LHPP: variants seen among roughly 807,000 people sequenced by gnomAD.
LHPP encodes the protein hLHPP.
A neutral mutation model predicts 30.3 loss-of-function variants in LHPP; 24 were observed. That is an observed-to-expected ratio of 0.79 (90% CI 0.57 to 1.11). The LOEUF (loss-of-function observed/expected upper bound fraction) is 1.11, where lower values mean the gene tolerates loss of function less well. Ranked by LOEUF, LHPP falls within the 50% of genes most tolerant of loss-of-function variation. The pLI, the probability that LHPP is intolerant of heterozygous loss-of-function variation, is 0.00. For synonymous variants in LHPP, 150 were observed against 157.1 expected (o/e 0.95, Z 0.34); for missense variants, 356 against 367.2 (o/e 0.97, Z 0.25).
At chr10:124,514,691 G>A (rs1954401729) in intron 5 of LHPP, among the ~76,000 whole-genome samples, 1 of 151,838 alleles carries the variant, frequency 6.6e-6, no homozygotes, top group African/African-American at 2.4e-5. Context: ...TCTTGTGTTT[G>A]GTGTTCATTG....
chr10:124,601,284 G>A (rs574238772), intron 6 of LHPP, among the ~76,000 whole-genome samples: 14 of 152,302 alleles, frequency 9.2e-5, no homozygotes, highest in African/African-American at 2.6e-4. Context: ...ACGCTGCAGC[G>A]CAGTGCTGCC....
At chr10:124,606,812 C>T (rs2134017470) in intron 6 of LHPP, among the ~76,000 whole-genome samples, 1 of 152,306 alleles carries the variant, frequency 6.6e-6, no homozygotes, top group Non-Finnish European at 1.5e-5. Context: ...AGGGGCTTAA[C>T]GCAGGCCCAC....
chr10:124,611,569 A>G (rs1211374330), intron 6 of LHPP, among the ~76,000 whole-genome samples: 4 of 151,124 alleles, frequency 2.6e-5, no homozygotes, highest in Non-Finnish European at 5.9e-5. Context: ...GCCAAAAGGT[A>G]TACCCTCACA....
At chr10:124,570,303 C>A (rs1482221443) in intron 6 of LHPP, among the ~76,000 whole-genome samples, 2 of 152,154 alleles carry the variant, frequency 1.3e-5, no homozygotes, top group African/African-American at 4.8e-5. Context: ...TAATTTGGGT[C>A]CCTCTGGTTT....
At chr10:124,580,228 T>C (rs773113933) in intron 6 of LHPP, among the ~76,000 whole-genome samples, 12 of 152,274 alleles carry the variant, frequency 7.9e-5, no homozygotes, top group Non-Finnish European at 1.6e-4. Flanking sequence ...CCACTTTGTT[T>C]ATGGCCTCTT....
intron 6 of LHPP, among the ~76,000 whole-genome samples, chr10:124,534,878 A>G (rs1009408025): frequency 2.0e-5 from 3 of 152,176 alleles, no homozygotes; most frequent in South Asian, 2.1e-4. Flanking sequence ...AGGCCTGGAA[A>G]GGAAAGGGAA....
intron 6 of LHPP, chr10:124,526,218 C>G: frequency 1.0e-6 from 1 of 985,416 alleles, no homozygotes; most frequent in Non-Finnish European, 1.2e-6. Context: ...TCTCCCAAGA[C>G]ACTCCCTGAA....
At chr10:124,609,541 G>T (rs1949139858) in intron 6 of LHPP, among the ~76,000 whole-genome samples, 1 of 152,206 alleles carries the variant, frequency 6.6e-6, no homozygotes, top group African/African-American at 2.4e-5. Context: ...ACCACGCCCG[G>T]CCCATATGTG....
chr10:124,469,990 C>T (rs1380799664), intron 1 of LHPP, among the ~76,000 whole-genome samples: 1 of 152,198 alleles, frequency 6.6e-6, no homozygotes, highest in Non-Finnish European at 1.5e-5. Flanking sequence ...TCTGAGGCCA[C>T]ACTGGTGCTG....
intron 6 of LHPP, among the ~76,000 whole-genome samples, chr10:124,555,320 A>T (rs1235274764): frequency 6.6e-6 from 1 of 152,190 alleles, no homozygotes; most frequent in Non-Finnish European, 1.5e-5. Context: ...TGAGCACTGT[A>T]GTCTGGGAGA....
At chr10:124,481,128 GAA>G (rs1449328122) in intron 1 of LHPP, among the ~76,000 whole-genome samples, 3 of 152,148 alleles carry the variant, frequency 2.0e-5, no homozygotes, top group Non-Finnish European at 4.4e-5. Context: ...ATTCATCCCT[GAA>G]CTCCTGGAGC....
At position 124,593,984 on chromosome 10, in the gene LHPP, G is replaced by A. The variant is rs935859566; in HGVS notation, c.717-19280G>A. Reference sequence around the variant, plus strand: ...TACCCTTGACCTTTCAGCATCCTCAGTACCTCTGTGGAGTGCTGCCATGAC... The same window carrying A: ...TACCCTTGACCTTTCAGCATCCTCAATACCTCTGTGGAGTGCTGCCATGAC... On this transcript the variant is annotated intron_variant, in intron 6 of 6. Transcript: ENST00000368842. This position sits in a 1 kb window ranked among gnomAD's most constrained non-coding sequence, Gnocchi z 4.9. Among the ~76,000 whole-genome samples the A allele has an allele frequency of 3.9e-5, 6 of 152,318 alleles. No individual in the cohort carries two copies. The South Asian group carries it at 1.2e-3, about 32-fold the overall frequency.
chr10:124,556,389 C>T (rs1211021437), intron 6 of LHPP, among the ~76,000 whole-genome samples: 1 of 152,238 alleles, frequency 6.6e-6, no homozygotes, highest in Non-Finnish European at 1.5e-5. Flanking sequence ...ACCCTGCTCC[C>T]GCGTGTGGAC....
chr10:124,508,577 T>C (rs1323338280), intron 5 of LHPP, among the ~76,000 whole-genome samples: 1 of 150,056 alleles, frequency 6.7e-6, no homozygotes, highest in African/African-American at 2.4e-5. Flanking sequence ...CAGAGTTTTT[T>C]CTCCCTTGGA....
Position 124,517,703 on chromosome 10 carries a change from A to C in LHPP, c.716+432A>C, listed in dbSNP as rs1004030581. Among the ~76,000 whole-genome samples the C allele has an allele frequency of 6.6e-6, 1 of 152,158 alleles. No homozygotes were observed. Among genetic ancestry groups the C allele is most frequent in the Non-Finnish European group, 1.5e-5 (1 of 68,024 alleles). On this transcript the variant is annotated intron_variant, in intron 6 of 6. Coordinates refer to ENST00000368842, the MANE Select transcript of LHPP (RefSeq NM_022126.4). The surrounding 1 kb of genome is among the most constrained non-coding windows in gnomAD (Gnocchi z 4.1). The stretch of plus-strand genomic sequence containing the variant: ...TTTCTCCACTCTGTAAGACACAGAG[A>C]GCCTGGAGACGACAGAGGGTTGCTC...
intron 6 of LHPP, among the ~76,000 whole-genome samples, chr10:124,563,861 A>G (rs1948443278): frequency 1.3e-5 from 2 of 152,350 alleles, no homozygotes; most frequent in Non-Finnish European, 2.9e-5. Flanking sequence ...GCTGGGAGAA[A>G]GAGACCAGGA....
chr10:124,549,435 C>G (rs537223137), intron 6 of LHPP, among the ~76,000 whole-genome samples: 1 of 148,802 alleles, frequency 6.7e-6, no homozygotes, highest in Non-Finnish European at 1.5e-5. Flanking sequence ...AAGACCCTGT[C>G]TCAAAAAAAA....
intron 5 of LHPP, among the ~76,000 whole-genome samples, chr10:124,515,678 G>A (rs960525099): frequency 6.6e-6 from 1 of 152,256 alleles, no homozygotes; most frequent in South Asian, 2.1e-4. Flanking sequence ...TTAAGATTTG[G>A]GGGCAGCACC....
At chr10:124,534,846 G>A (rs1264242233) in intron 6 of LHPP, among the ~76,000 whole-genome samples, 1 of 152,202 alleles carries the variant, frequency 6.6e-6, no homozygotes. Flanking sequence ...TAAAGTAGCA[G>A]TGAGGCCTTA....
Sources: allele counts gnomAD v4.1 joint callset (sites outside exome capture counted in the v4.1 genomes callset), GRCh38; gene constraint gnomAD v4.1.1; non-coding constraint Gnocchi (gnomAD v3.1); transcripts MANE v1.5; gene names NCBI Gene and HGNC (gene_info 2026-07-23, HGNC 2026-07-21).